The following CTDP1 variants were observed in gnomAD, a reference collection of about 807,000 sequenced individuals.
The protein encoded by CTDP1 is CTD phosphatase 1.
A neutral mutation model predicts 91.8 loss-of-function variants in CTDP1; 47 were observed. That is an observed-to-expected ratio of 0.51 (90% CI 0.41 to 0.65). The LOEUF is 0.65. CTDP1 is among the 30% of genes least tolerant of loss of function. The pLI is 0.00. For missense variants in CTDP1, 1,272 were observed against 1,373.7 expected, an observed-to-expected ratio of 0.93 and a Z score of 1.17; for synonymous variants, 656 against 598.5, an observed-to-expected ratio of 1.10 and a Z score of -1.40.
chr18:79,710,581 C>T (rs2086060096), intron 6 of CTDP1, 145 bp downstream of exon 6: 5 of 636,650 alleles, frequency 7.9e-6, no homozygotes, highest in South Asian at 1.5e-5. Context: ...AGTGCAGTGG[C>T]GCGATCTCGG....
intron 5 of CTDP1, among the ~76,000 whole-genome samples, chr18:79,707,947 T>C (rs2086001850): frequency 6.6e-6 from 1 of 152,234 alleles, no homozygotes; most frequent in Non-Finnish European, 1.5e-5. Flanking sequence ...TTTTATCTGA[T>C]AGTAGAGACG....
chr18:79,697,440 A>T (rs2085770204), intron 3 of CTDP1, among the ~76,000 whole-genome samples: 1 of 152,174 alleles, frequency 6.6e-6, no homozygotes, highest in East Asian at 1.9e-4. Flanking sequence ...CTGAGCGTGG[A>T]AGGTTCTGAG....
chr18:79,728,320 G>A lies in CTDP1; in HGVS notation c.2418-587G>A, dbSNP rs142021846. ...TAGCCATGTTGGCCAGGCTGGTCTC[G>A]AACTCCTCACCTGAAGTGATCCACC... On this transcript the variant is annotated intron_variant, in intron 10 of 12. Transcript: ENST00000613122. Among the ~76,000 whole-genome samples, 175 of 152,192 alleles carry A rather than the reference G, an allele frequency of 1.1e-3. 2 individuals carry two copies. The highest frequency in any genetic ancestry group is 3.0e-3 in the African/African-American group (126 of 41,524).
Position 79,719,294 on chromosome 18 carries a change from A to C in CTDP1, c.2417+1278A>C, listed in dbSNP as rs534281817. On this transcript the variant is annotated intron_variant, in intron 10 of 12. Transcript: ENST00000613122. ...GGTGGAGAGTGTTGCTAAGAGGAGG[A>C]GTCGGGTCGGGTGACTGGGATGTGG... Among the ~76,000 whole-genome samples, 546 of 151,510 alleles carry C rather than the reference A, an allele frequency of 3.6e-3. 7 individuals are homozygous for C. The highest frequency in any genetic ancestry group is 4.7e-3 in the Non-Finnish European group (316 of 67,928).
At chr18:79,691,184 G>A (rs897119304) in intron 1 of CTDP1, among the ~76,000 whole-genome samples, 4 of 152,176 alleles carry the variant, frequency 2.6e-5, no homozygotes. Context: ...TCTTGCAGTC[G>A]CTCTCGTCTG....
intron 10 of CTDP1, 105 bp from the exon 11 acceptor site, chr18:79,728,802 G>A: frequency 9.6e-7 from 1 of 1,039,092 alleles, no homozygotes; most frequent in South Asian, 1.5e-5. Context: ...CCCTGTTGGG[G>A]TGTGTGAGTG....
At chr18:79,730,865 A>G (rs1400882040) in intron 11 of CTDP1, among the ~76,000 whole-genome samples, 1 of 152,168 alleles carries the variant, frequency 6.6e-6, no homozygotes, top group Non-Finnish European at 1.5e-5. Flanking sequence ...TGGACTTCTG[A>G]CCTGCACAGC....
intron 1 of CTDP1, among the ~76,000 whole-genome samples, chr18:79,680,619 A>C (rs1171535676): frequency 6.6e-6 from 1 of 152,256 alleles, no homozygotes; most frequent in Non-Finnish European, 1.5e-5. Context: ...GTCATCAGGC[A>C]GGCTCCAGAC....
At chr18:79,681,418 G>C in intron 1 of CTDP1, 1 of 975,052 alleles carries the variant, frequency 1.0e-6, no homozygotes, top group Non-Finnish European at 1.2e-6. Context: ...TCCCAATGCT[G>C]GTGTATTCCC....
chr18:79,748,961 A>G (rs372073348), intron 12 of CTDP1, among the ~76,000 whole-genome samples: 1 of 152,160 alleles, frequency 6.6e-6, no homozygotes, highest in African/African-American at 2.4e-5. Flanking sequence ...AGGGCTCTCC[A>G]GCGGGAGCTG....
intron 12 of CTDP1, among the ~76,000 whole-genome samples, chr18:79,740,561 C>G (rs1003219424): frequency 2.0e-5 from 3 of 152,188 alleles, no homozygotes; most frequent in Non-Finnish European, 4.4e-5. Context: ...CATCATGATT[C>G]TTTCCCATGC....
intron 1 of CTDP1, among the ~76,000 whole-genome samples, chr18:79,690,663 C>T (rs117974141): frequency 5.3e-5 from 8 of 152,300 alleles, no homozygotes; most frequent in East Asian, 3.9e-4. Context: ...TGTCTGCACG[C>T]GGGTTTCCCA....
chr18:79,693,258 T>A (rs2085660850), intron 1 of CTDP1, among the ~76,000 whole-genome samples: 1 of 152,162 alleles, frequency 6.6e-6, no homozygotes, highest in African/African-American at 2.4e-5. Flanking sequence ...TTTTTGTTTT[T>A]GTTTTTGTTT....
At position 79,714,801 on chromosome 18, in the gene CTDP1, C is replaced by A. The variant is rs745973351; in HGVS notation, c.1341C>A (p.Gly447=). The change falls in exon 8 of 13, where the codon GGC becomes GGA. Residue 447 remains glycine, a synonymous_variant. Coordinates refer to ENST00000613122, the MANE Select transcript of CTDP1 (RefSeq NM_004715.5). ...AGCGGCCTGCCCAGGGTGCCACGGG[C>A]ACTGACCTGGACTTTGACTTATCCA... The part of the protein sequence containing the change: ...PGQRPAQGAT[G]TDLDFDLSSD... 3.5e-5 allele frequency: 56 copies of A among 1,603,408 alleles called. No individual in the cohort carries two copies. The Middle Eastern group carries it at 1.5e-3, about 42-fold the overall frequency.
chr18:79,730,427 G>T (rs2086541714), intron 11 of CTDP1, among the ~76,000 whole-genome samples: 1 of 148,580 alleles, frequency 6.7e-6, no homozygotes, highest in African/African-American at 2.5e-5. Flanking sequence ...TGTTCCCCAC[G>T]CAGTCCTGTT....
chr18:79,732,744 A>T (rs1031025450), intron 11 of CTDP1, among the ~76,000 whole-genome samples: 1 of 151,204 alleles, frequency 6.6e-6, no homozygotes, highest in African/African-American at 2.4e-5. Flanking sequence ...GAGACATAAG[A>T]ACTCACTGTC....
At chr18:79,749,006 G>A (rs573575366) in intron 12 of CTDP1, among the ~76,000 whole-genome samples, 5 of 152,254 alleles carry the variant, frequency 3.3e-5, no homozygotes, top group African/African-American at 1.2e-4. Flanking sequence ...TTCAGGTCCT[G>A]TGGCACCCTG....
chr18:79,715,402 A>G lies in CTDP1; in HGVS notation c.1942A>G (p.Asn648Asp), dbSNP rs577434989. The change falls in exon 8 of 13, where the codon AAC becomes GAC. Residue 648 changes from asparagine (N) to aspartate (D), a missense_variant. By Grantham distance (23) the Asn-to-Asp change is conservative. Transcript: ENST00000613122. ...AATTTTCAGTGGGCTACACCCGACA[A>G]ACTTCCCGATAGAGAAGACGCGGGA... ...AIIFSGLHPT[N>D]FPIEKTREHY... The G allele has an allele frequency of 3.7e-6, 6 of 1,604,556 alleles. No homozygotes were observed. Among genetic ancestry groups the G allele is most frequent in the Admixed American group, 3.4e-5 (2 of 58,798 alleles).
chr18:79,741,038 TGTCCCTGA>T (rs939485242), intron 12 of CTDP1, among the ~76,000 whole-genome samples: 1 of 150,174 alleles, frequency 6.7e-6, no homozygotes, highest in South Asian at 2.1e-4. Context: ...GCGGTTGATC[TGTCCCTGA>T]GTCCCTGAGG....
Sources: gnomAD v4.1 joint callset for allele counts (sites outside exome capture counted in the v4.1 genomes callset) on GRCh38, gnomAD v4.1.1 for gene constraint, MANE v1.5 for transcripts, NCBI Gene and HGNC (gene_info 2026-07-23, HGNC 2026-07-21) for gene names.